ATP1A3: variants seen among roughly 807,000 people sequenced by gnomAD.
ATP1A3 encodes sodium/potassium-transporting ATPase subunit alpha-3.
A neutral mutation model predicts 108.8 loss-of-function variants in ATP1A3; 12 were observed. The ratio of observed to expected loss-of-function variants is 0.11; its 90% CI spans 0.07 to 0.18. ATP1A3 has a LOEUF of 0.18. Ranked by LOEUF, ATP1A3 falls within the 10% of genes least tolerant of loss-of-function variation. ATP1A3 has a pLI of 1.00. For synonymous variants in ATP1A3, 539 were observed against 564.5 expected (o/e 0.95, Z 0.64); for missense variants, 498 against 1,387.7 (o/e 0.36, Z 10.19).
chr19:41,983,002 C>T (rs2075250065), intron 8 of ATP1A3, among the ~76,000 whole-genome samples: 1 of 152,034 alleles, frequency 6.6e-6, no homozygotes. Context: ...TATGTGCTCA[C>T]AATATGCTTA....
Position 41,968,753 on chromosome 19 carries a change from C to T in ATP1A3, c.2819+32G>A, listed in dbSNP as rs1555859135. 3 of 1,613,112 alleles carry T rather than the reference C, an allele frequency of 1.9e-6. No individual in the cohort carries two copies. Among genetic ancestry groups the T allele is most frequent in the Non-Finnish European group, 2.5e-6 (3 of 1,179,316 alleles). ...ACAGACACTCGGACAGGACAGATGG[C>T]TGTCCAGTCACCATGTGCCCCCGGC... is the stretch of plus-strand genomic sequence containing the variant. On this transcript the variant is annotated intron_variant, in intron 20 of 22. Coordinates refer to ENST00000648268, the MANE Select transcript of ATP1A3 (RefSeq NM_152296.5). The surrounding 1 kb of genome is among the most constrained non-coding windows in gnomAD (Gnocchi z 5.0).
At chr19:41,984,571 G>T in intron 8 of ATP1A3, 1 of 269,458 alleles carries the variant, frequency 3.7e-6, no homozygotes, top group Middle Eastern at 1.3e-3. Context: ...TTTTCATCAT[G>T]AGCGTGCACT....
Position 41,984,819 on chromosome 19 carries a change from C to T in ATP1A3, c.993+99G>A, listed in dbSNP as rs188504758. 3.4e-5 allele frequency: 48 copies of T among 1,407,414 alleles called. No individual in the cohort carries two copies. In the African/African-American group the frequency reaches 5.5e-4, roughly 16 times the overall value. The allele number at this position is 1,407,414 out of a possible 1,614,324, so 87.2% of individuals were successfully genotyped here. On this transcript the variant is annotated intron_variant, in intron 8 of 22. Coordinates refer to ENST00000648268, the MANE Select transcript of ATP1A3 (RefSeq NM_152296.5). Reference sequence around the variant, plus strand: ...GGTCCAGGCCTCTAGCCCCTCCTCCCTCAGACTCAGGGGTCCAGGATCCCA... The same window carrying T: ...GGTCCAGGCCTCTAGCCCCTCCTCCTTCAGACTCAGGGGTCCAGGATCCCA...
intron 18 of ATP1A3, 27 bp from the exon 19 acceptor site, chr19:41,969,607 G>A: frequency 3.7e-6 from 6 of 1,612,636 alleles, no homozygotes; most frequent in Non-Finnish European, 5.1e-6. Flanking sequence ...GGAAGCCGAG[G>A]AGAGGCTCAG....
In ATP1A3 at chr19:41,968,919, C is replaced by T. The variant is rs2145944806; in HGVS notation, c.2689-4G>A. The T allele has an allele frequency of 2.5e-6, 4 of 1,613,732 alleles. No homozygotes were observed. Among genetic ancestry groups the T allele is most frequent in the Non-Finnish European group, 3.4e-6 (4 of 1,179,722 alleles). ...CCACCTTCCTCTGCTCGTATGTCTG[C>T]AGGAGCGGTGACCAGGGCACGGGAC... On this transcript the variant is annotated splice_polypyrimidine_tract_variant and splice_region_variant and intron_variant, in intron 19 of 22. Coordinates refer to ENST00000648268, the MANE Select transcript of ATP1A3 (RefSeq NM_152296.5). This position sits in a 1 kb window ranked among gnomAD's most constrained non-coding sequence, Gnocchi z 5.0.
chr19:41,985,808 C>G lies in ATP1A3; in HGVS notation c.606+56G>C. On this transcript the variant is annotated intron_variant, in intron 6 of 22. Transcript: ENST00000648268. The surrounding 1 kb of genome is among the most constrained non-coding windows in gnomAD (Gnocchi z 8.2). ...GAGTGTGAGGGAGGAGGGGCTGGGC[C>G]TGAGCTCCTGGGCAGCCCGAGGGAG... is the stretch of plus-strand genomic sequence containing the variant. 1 of 1,606,068 alleles carries G rather than the reference C, an allele frequency of 6.2e-7. No homozygotes were observed. The highest frequency in any genetic ancestry group is 8.5e-7 in the Non-Finnish European group (1 of 1,177,762).
intron 11 of ATP1A3, among the ~76,000 whole-genome samples, chr19:41,980,214 C>T (rs1468230885): frequency 3.3e-5 from 5 of 152,266 alleles, no homozygotes; most frequent in Non-Finnish European, 7.3e-5. Context: ...TCTTCTAGAA[C>T]CAGAGCGTAA....
Position 41,966,956 on chromosome 19 carries a change from T to G in ATP1A3, c.3023A>C (p.Glu1008Ala). The G allele has an allele frequency of 6.4e-7, 1 of 1,551,146 alleles. No homozygotes were observed. Among genetic ancestry groups the G allele is most frequent in the Non-Finnish European group, 8.7e-7 (1 of 1,146,952 alleles). ...ILRRNPGGWV[E>A]KETYY ...CTGAGGTCAGTAGTAGGTTTCCTTC[T>G]CCACCCAACCTGGAGAGACAAAGAA... is the stretch of plus-strand genomic sequence containing the variant. Residue 1008 changes from glutamate to alanine, a missense_variant, in exon 23 of 23, where the codon GAG (glutamate) becomes GCG (alanine). This residue lies in a region of ATP1A3 where 29 missense variants were observed against 41.0 expected (regional missense o/e 0.71). Transcript: ENST00000648268.
chr19:41,975,245 G>A (rs1229711409), intron 16 of ATP1A3, among the ~76,000 whole-genome samples: 1 of 152,154 alleles, frequency 6.6e-6, no homozygotes, highest in Non-Finnish European at 1.5e-5. Flanking sequence ...TAGAGACGGG[G>A]TTTCACCATG....
At position 41,988,635 on chromosome 19, in the gene ATP1A3, G is replaced by C. The variant is rs532061583; in HGVS notation, c.7-73C>G. On this transcript the variant is annotated intron_variant, in intron 1 of 22. Transcript: ENST00000648268. This position sits in a 1 kb window ranked among gnomAD's most constrained non-coding sequence, Gnocchi z 5.3. ...GAGAAGGGGTTCCAGGAGGACACCG[G>C]CCCTCCATGCCCCAGCTATCCTCCT... 3.7e-6 allele frequency: 6 copies of C among 1,611,584 alleles called. No individual in the cohort carries two copies. In the East Asian group the frequency reaches 1.3e-4, roughly 36 times the overall value.
chr19:41,985,052 C>A lies in ATP1A3; in HGVS notation c.859G>T (p.Gly287Cys), dbSNP rs1279680384. 2 of 1,613,768 alleles carry A rather than the reference C, an allele frequency of 1.2e-6. No homozygotes were observed. Among genetic ancestry groups the A allele is most frequent in the Non-Finnish European group, 1.7e-6 (2 of 1,179,910 alleles). The change falls in exon 8 of 23, where the codon GGC becomes TGC. Residue 287 changes from glycine (G) to cysteine (C), a missense_variant. Around this residue, in one of 9 missense-constraint regions of ATP1A3, gnomAD observed 127 missense variants for 464.0 expected, o/e 0.27. Transcript: ENST00000648268. This position sits in a 1 kb window ranked among gnomAD's most constrained non-coding sequence, Gnocchi z 8.2. ...EIEHFIQLITGVAVFLGVSFF... is the reference protein window; with the variant it reads ...EIEHFIQLITCVAVFLGVSFF... ...GAGACACCCAGGAAGACAGCCACGC[C>A]GGTGATGAGCTGGATGAAGTGCTCA...
chr19:41,971,110 C>G (rs192853313), intron 16 of ATP1A3, among the ~76,000 whole-genome samples: 1 of 152,042 alleles, frequency 6.6e-6, no homozygotes, highest in Admixed American at 6.6e-5. Flanking sequence ...ACTACAGTCA[C>G]GCGCCACCAC....
At position 41,968,153 on chromosome 19, in the gene ATP1A3, A is replaced by G. The variant is rs1300079884; in HGVS notation, c.2820-390T>C. The stretch of plus-strand genomic sequence containing the variant: ...AAAAGGCCAGGGGCACCTCCACCAC[A>G]CACACAGAGGCTGAGAGAGAATCTA... On this transcript the variant is annotated intron_variant, in intron 20 of 22. Coordinates refer to ENST00000648268, the MANE Select transcript of ATP1A3 (RefSeq NM_152296.5). The surrounding 1 kb of genome is among the most constrained non-coding windows in gnomAD (Gnocchi z 5.0). Among the ~76,000 whole-genome samples the G allele has an allele frequency of 6.6e-6, 1 of 152,084 alleles. No homozygotes were observed. Among genetic ancestry groups the G allele is most frequent in the Non-Finnish European group, 1.5e-5 (1 of 68,024 alleles).
chr19:41,967,567 C>A lies in ATP1A3; in HGVS notation c.2921+95G>T. The A allele has an allele frequency of 7.4e-7, 1 of 1,359,272 alleles. No individual in the cohort carries two copies. Among genetic ancestry groups the A allele is most frequent in the South Asian group, 1.2e-5 (1 of 80,786 alleles). The allele number at this position is 1,359,272 out of a possible 1,614,324, so 84.2% of individuals were successfully genotyped here. A position where few individuals can be genotyped will look rare whatever the true frequency, so the allele number is the denominator to read the frequency against. On this transcript the variant is annotated intron_variant, in intron 21 of 22. Transcript: ENST00000648268. The surrounding 1 kb of genome is among the most constrained non-coding windows in gnomAD (Gnocchi z 4.2). ...AGAATGGGGACTGCAGTGGGGACAC[C>A]AGGGGAGGTGGGGCCTGAGGTTCAG...
At position 41,966,839 on chromosome 19, in the gene ATP1A3, AG is replaced by A. The variant is rs1265351218; in HGVS notation, c.*97del. On this transcript the variant is annotated 3_prime_UTR_variant, in exon 23 of 23. Transcript: ENST00000648268. ...GGCCAAGGTGGGGCCACAGGAAGAG[AG>A]GGCTCCTCCCCCCAGAATACAAAAT... 7 of 1,543,398 alleles carry A rather than the reference AG, an allele frequency of 4.5e-6. No individual in the cohort carries two copies. Among genetic ancestry groups the A allele is most frequent in the Middle Eastern group, 1.9e-4 (1 of 5,376 alleles).
chr19:41,979,042 G>C (rs2075202934), intron 11 of ATP1A3, among the ~76,000 whole-genome samples: 2 of 148,700 alleles, frequency 1.3e-5, no homozygotes, highest in African/African-American at 5.0e-5. Context: ...TCGCTCTGTT[G>C]CCCAGGCTGG....
intron 16 of ATP1A3, 87 bp downstream of exon 16, chr19:41,975,542 C>T: frequency 1.9e-6 from 3 of 1,565,264 alleles, no homozygotes; most frequent in South Asian, 2.3e-5. Context: ...TGCCACACAT[C>T]CCCCTGCAGC....
chr19:41,975,846 TC>T, intron 15 of ATP1A3, 49 bp from the exon 16 acceptor site: 1 of 1,610,710 alleles, frequency 6.2e-7, no homozygotes, highest in South Asian at 1.1e-5. Flanking sequence ...GTCCCCAGAG[TC>T]CCCTCCCTCA....
Position 41,988,715 on chromosome 19 carries a change from C to T in ATP1A3, c.7-153G>A, listed in dbSNP as rs2145984705. 1.3e-6 allele frequency: 2 copies of T among 1,482,454 alleles called. No homozygotes were observed. Among genetic ancestry groups the T allele is most frequent in the Middle Eastern group, 2.3e-4 (1 of 4,418 alleles). 91.8% of individuals were successfully genotyped at this position (1,482,454 alleles called of 1,614,324 possible). A position where few individuals can be genotyped will look rare whatever the true frequency, so the allele number is the denominator to read the frequency against. On this transcript the variant is annotated intron_variant, in intron 1 of 22. Transcript: ENST00000648268. The surrounding 1 kb of genome is among the most constrained non-coding windows in gnomAD (Gnocchi z 5.3). ...GGTCTCTGTCTGCCTCTCGGGGTCT[C>T]CCTGTGTCTCCCGGAGCCTCTGGGT...
Sources: gnomAD v4.1 joint callset for allele counts (sites outside exome capture counted in the v4.1 genomes callset) on GRCh38, gnomAD v4.1.1 for gene constraint, gnomAD v4.1.1 regional missense constraint, Gnocchi (gnomAD v3.1) non-coding constraint, MANE v1.5 for transcripts, NCBI Gene and HGNC (gene_info 2026-07-23, HGNC 2026-07-21) for gene names.